PRKN: variants seen among roughly 807,000 people sequenced by gnomAD.
PRKN encodes parkin RBR E3 ubiquitin protein ligase.
In PRKN, 56 loss-of-function variants were observed where a neutral mutation model predicts 59.5. That is an observed-to-expected ratio of 0.94 (90% CI 0.76 to 1.18). The LOEUF (loss-of-function observed/expected upper bound fraction) is 1.18, where lower values mean the gene tolerates loss of function less well. Ranked by LOEUF, PRKN falls within the 50% of genes most tolerant of loss-of-function variation. The pLI, the probability that PRKN is intolerant of heterozygous loss-of-function variation, is 0.00. For synonymous variants in PRKN, 250 were observed against 222.1 expected (o/e 1.13, Z -1.12); for missense variants, 657 against 596.4 (o/e 1.10, Z -1.06).
At chr6:162,002,829 T>G (rs908230621) in intron 5 of PRKN, among the ~76,000 whole-genome samples, 2 of 152,170 alleles carry the variant, frequency 1.3e-5, no homozygotes, top group African/African-American at 4.8e-5. Flanking sequence ...AAGTTATATT[T>G]TCATTTTCAT....
intron 2 of PRKN, among the ~76,000 whole-genome samples, chr6:162,390,040 T>C (rs1271718611): frequency 6.6e-6 from 1 of 152,120 alleles, no homozygotes; most frequent in Non-Finnish European, 1.5e-5. Flanking sequence ...CTTGCAAGAA[T>C]AGCAATGCTA....
chr6:162,323,941 G>C (rs1038862802), intron 2 of PRKN, among the ~76,000 whole-genome samples: 1 of 151,352 alleles, frequency 6.6e-6, no homozygotes, highest in African/African-American at 2.4e-5. Context: ...ACAATATTCA[G>C]AGTAACTTTA....
intron 9 of PRKN, among the ~76,000 whole-genome samples, chr6:161,496,861 G>A (rs1320201864): frequency 6.6e-6 from 1 of 152,152 alleles, no homozygotes; most frequent in Non-Finnish European, 1.5e-5. Context: ...AGGATTGCTG[G>A]CAAACACCAG....
intron 2 of PRKN, among the ~76,000 whole-genome samples, chr6:162,283,374 G>C (rs1011802011): frequency 2.1e-5 from 3 of 142,324 alleles, no homozygotes; most frequent in African/African-American, 9.3e-5. Context: ...GTACGTGTGA[G>C]TGTGTGTGTT....
intron 7 of PRKN, among the ~76,000 whole-genome samples, chr6:161,613,186 A>G (rs532603406): frequency 1.5e-4 from 23 of 152,270 alleles, no homozygotes; most frequent in African/African-American, 5.5e-4. Context: ...GAGGAAGTCA[A>G]TTTCATCCCT....
intron 4 of PRKN, among the ~76,000 whole-genome samples, chr6:162,082,520 C>T (rs911976020): frequency 6.6e-6 from 1 of 152,064 alleles, no homozygotes; most frequent in Non-Finnish European, 1.5e-5. Context: ...TCTTTCTAAT[C>T]ATTTTTGTCT....
chr6:161,715,028 T>C (rs750495859), intron 7 of PRKN, among the ~76,000 whole-genome samples: 2 of 152,198 alleles, frequency 1.3e-5, no homozygotes, highest in Non-Finnish European at 2.9e-5. Flanking sequence ...AACACTTTCA[T>C]AACCAGAGAT....
chr6:162,454,887 G>A (rs1329480854), intron 1 of PRKN, among the ~76,000 whole-genome samples: 2 of 152,194 alleles, frequency 1.3e-5, no homozygotes, highest in Non-Finnish European at 2.9e-5. Flanking sequence ...AACCCAACCC[G>A]TTAACTCACA....
chr6:162,652,924 A>G (rs1471131703), intron 1 of PRKN, among the ~76,000 whole-genome samples: 6 of 152,234 alleles, frequency 3.9e-5, no homozygotes, highest in Non-Finnish European at 7.3e-5. Flanking sequence ...TTCAAATACA[A>G]AAGATATAAA....
intron 2 of PRKN, among the ~76,000 whole-genome samples, chr6:162,380,344 G>A (rs1786363621): frequency 6.7e-6 from 1 of 149,722 alleles, no homozygotes; most frequent in Admixed American, 6.7e-5. Context: ...AGAACAGCAA[G>A]TATTCATTAT....
chr6:161,602,548 G>A (rs968077590), intron 7 of PRKN, among the ~76,000 whole-genome samples: 1 of 152,152 alleles, frequency 6.6e-6, no homozygotes, highest in Non-Finnish European at 1.5e-5. Flanking sequence ...GTCCCTCAAG[G>A]AATATTTTAA....
rs1790898701 is a variant in PRKN, at chr6:161,473,544, A to G, written c.1083+75310T>C. 6.6e-6 allele frequency among the ~76,000 whole-genome samples: 1 copy of G among 151,886 alleles called. No homozygotes were observed. The highest frequency in any genetic ancestry group is 2.4e-5 in the African/African-American group (1 of 41,380). On this transcript the variant is annotated intron_variant, in intron 9 of 11. Transcript: ENST00000366898. This position sits in a 1 kb window ranked among gnomAD's most constrained non-coding sequence, Gnocchi z 4.1. ...AAAAAAAAATGTCAAATATATAGAGACAGAATAAAATGGTGGTTACCGGAA... is the reference window on the plus strand; with the variant it reads ...AAAAAAAAATGTCAAATATATAGAGGCAGAATAAAATGGTGGTTACCGGAA...
At chr6:162,121,127 G>C (rs1780895450) in intron 4 of PRKN, among the ~76,000 whole-genome samples, 1 of 152,078 alleles carries the variant, frequency 6.6e-6, no homozygotes, top group Non-Finnish European at 1.5e-5. Flanking sequence ...ACTTTTCTCT[G>C]GGTGATGTCA....
At position 161,900,104 on chromosome 6, in the gene PRKN, C is replaced by CT. The variant is rs571038884; in HGVS notation, c.734+73197dup. The stretch of plus-strand genomic sequence containing the variant: ...CCAGCCTAGGTGACAGAGTGAGATT[C>CT]TGACTCAAAAATAATAAAATAAAAT... On this transcript the variant is annotated intron_variant, in intron 6 of 11. Coordinates refer to ENST00000366898, the MANE Select transcript of PRKN (RefSeq NM_004562.3). 6.7e-4 allele frequency among the ~76,000 whole-genome samples: 96 copies of CT among 143,348 alleles called. 1 individual carries two copies. The East Asian group carries it at 0.021, about 31-fold the overall frequency. 94.0% of individuals were successfully genotyped at this position (143,348 alleles called of 152,430 possible).
At chr6:161,604,090 A>G (rs1452173865) in intron 7 of PRKN, among the ~76,000 whole-genome samples, 1 of 152,192 alleles carries the variant, frequency 6.6e-6, no homozygotes, top group Non-Finnish European at 1.5e-5. Context: ...GTTGTTTATA[A>G]GCCACCTGGT....
chr6:161,628,697 T>C (rs1325563990), intron 7 of PRKN, among the ~76,000 whole-genome samples: 1 of 152,186 alleles, frequency 6.6e-6, no homozygotes, highest in Admixed American at 6.5e-5. Flanking sequence ...GGGTCTGACA[T>C]CTCCAGAGCT....
chr6:161,921,975 T>C lies in PRKN; in HGVS notation c.734+51327A>G, dbSNP rs1021982306. Among the ~76,000 whole-genome samples, 7 of 152,244 alleles carry C rather than the reference T, an allele frequency of 4.6e-5. No individual in the cohort carries two copies. In the East Asian group the frequency reaches 1.3e-3, roughly 29 times the overall value. On this transcript the variant is annotated intron_variant, in intron 6 of 11. Coordinates refer to ENST00000366898, the MANE Select transcript of PRKN (RefSeq NM_004562.3). ...ATTCTCTGGGATGCTACAAGGCAGA[T>C]GTCAGCCTCAATTGGTTAAATCTGA... is the stretch of plus-strand genomic sequence containing the variant.
At chr6:162,043,531 A>G (rs1022192460) in intron 5 of PRKN, among the ~76,000 whole-genome samples, 2 of 152,344 alleles carry the variant, frequency 1.3e-5, no homozygotes, top group Admixed American at 1.3e-4. Context: ...ACAGAGGCCA[A>G]TGGCCATGGA....
Position 161,413,888 on chromosome 6 carries a change from G to C in PRKN, c.1084-27011C>G, listed in dbSNP as rs543715914. Among the ~76,000 whole-genome samples the C allele has an allele frequency of 2.6e-5, 4 of 152,296 alleles. No homozygotes were observed. In the South Asian group the frequency reaches 8.3e-4, roughly 32 times the overall value. ...AGTCAGGCAGGGTGAGCCTCACCCA[G>C]CTGCTGTTCCTTTCTCTTTCCTGCC... is the stretch of plus-strand genomic sequence containing the variant. On this transcript the variant is annotated intron_variant, in intron 9 of 11. Transcript: ENST00000366898. The surrounding 1 kb of genome is among the most constrained non-coding windows in gnomAD (Gnocchi z 4.4).
Sources: gnomAD v4.1 joint callset for allele counts (sites outside exome capture counted in the v4.1 genomes callset) on GRCh38, gnomAD v4.1.1 for gene constraint, Gnocchi (gnomAD v3.1) non-coding constraint, MANE v1.5 for transcripts, NCBI Gene and HGNC (gene_info 2026-07-23, HGNC 2026-07-21) for gene names.